ABHD17C: variants seen among roughly 807,000 people sequenced by gnomAD.
ABHD17C encodes the protein abhydrolase domain containing 17C, depalmitoylase, also known as alpha/beta hydrolase domain-containing protein 17C.
A neutral mutation model predicts 27.9 loss-of-function variants in ABHD17C; 11 were observed. The observed-to-expected ratio is 0.39, with a 90% CI of 0.25 to 0.65. ABHD17C has a LOEUF of 0.65. Among genes scored for constraint, ABHD17C ranks in the 30% least tolerant of loss-of-function variants. The pLI is 0.45. For synonymous variants in ABHD17C, 233 were observed against 209.1 expected, an observed-to-expected ratio of 1.11 and a Z score of -0.98; for missense variants, 280 against 470.2, an observed-to-expected ratio of 0.60 and a Z score of 3.74.
At chr15:80,719,248 TC>T (rs1894854463) in intron 1 of ABHD17C, among the ~76,000 whole-genome samples, 1 of 152,242 alleles carries the variant, frequency 6.6e-6, no homozygotes, top group African/African-American at 2.4e-5. Flanking sequence ...TTGTTGACTT[TC>T]TGCAAAGAAG....
chr15:80,729,327 G>A (rs756647008), intron 1 of ABHD17C, among the ~76,000 whole-genome samples: 17 of 152,086 alleles, frequency 1.1e-4, no homozygotes, highest in African/African-American at 2.4e-4. Context: ...ATTCTGCCTT[G>A]TGCCCAAGAA....
At position 80,754,978 on chromosome 15, in the gene ABHD17C, G is replaced by GT. The variant is rs1361750130; in HGVS notation, c.*615dup. Reference sequence around the variant, plus strand: ...ATTCTTAAACAAAAAGAAACTAGGGGTTTTTTTAAGTGTAAATTTATTACT... The same window carrying GT: ...ATTCTTAAACAAAAAGAAACTAGGGGTTTTTTTTAAGTGTAAATTTATTACT... On this transcript the variant is annotated 3_prime_UTR_variant, in exon 3 of 3. Coordinates refer to ENST00000258884, the MANE Select transcript of ABHD17C (RefSeq NM_021214.2). 1 of 152,056 alleles carries GT rather than the reference G, an allele frequency of 6.6e-6. No individual in the cohort carries two copies. Among genetic ancestry groups the GT allele is most frequent in the African/African-American group, 2.4e-5 (1 of 41,394 alleles). The allele number at this position is 152,056 out of a possible 1,614,324, so 9.4% of individuals were successfully genotyped here. A position where few individuals can be genotyped will look rare whatever the true frequency, so the allele number is the denominator to read the frequency against.
At chr15:80,751,809 C>T (rs937157171) in intron 2 of ABHD17C, among the ~76,000 whole-genome samples, 9 of 152,198 alleles carry the variant, frequency 5.9e-5, no homozygotes, top group Admixed American at 3.3e-4. Context: ...GACAAATCCT[C>T]ATATTTAATG....
At chr15:80,726,313 A>G (rs1242229567) in intron 1 of ABHD17C, among the ~76,000 whole-genome samples, 4 of 152,140 alleles carry the variant, frequency 2.6e-5, no homozygotes, top group South Asian at 4.1e-4. Flanking sequence ...ACAGTGCTGC[A>G]GAGATTTTGT....
intron 1 of ABHD17C, among the ~76,000 whole-genome samples, chr15:80,725,150 G>A (rs1448198962): frequency 6.6e-6 from 1 of 152,176 alleles, no homozygotes; most frequent in East Asian, 1.9e-4. Flanking sequence ...ACTGCCTATT[G>A]GGTATCAGGG....
At chr15:80,726,501 G>GTTTTTTTTTTTTTTTTTTTTTTT (rs10572505) in intron 1 of ABHD17C, among the ~76,000 whole-genome samples, 1 of 94,500 alleles carries the variant, frequency 1.1e-5, no homozygotes, top group African/African-American at 5.3e-5. Flanking sequence ...TCTTTTTCTG[G>GTTTTTTTTTTTTTTTTTTTTTTT]TTTTTTTTTT....
At chr15:80,703,535 A>G (rs1346680642) in intron 1 of ABHD17C, 1 of 152,212 alleles carries the variant, frequency 6.6e-6, no homozygotes, top group Non-Finnish European at 1.5e-5. Flanking sequence ...TTTCTTAACT[A>G]CACTGGGAAA....
rs919463551 is a variant in ABHD17C, at chr15:80,751,126, G to C, written c.770+1434G>C. Among the ~76,000 whole-genome samples the C allele has an allele frequency of 1.3e-4, 20 of 152,006 alleles. No homozygotes were observed. The South Asian group carries it at 1.5e-3, about 11-fold the overall frequency. On this transcript the variant is annotated intron_variant, in intron 2 of 2. Transcript: ENST00000258884. ...GTACTTTGGGAGGCCAAGGAGGGTG[G>C]ATTGCCAGAATTCAGGAGTTCAAAA...
At chr15:80,726,607 C>A (rs908402564) in intron 1 of ABHD17C, among the ~76,000 whole-genome samples, 1 of 146,620 alleles carries the variant, frequency 6.8e-6, no homozygotes, top group Non-Finnish European at 1.5e-5. Context: ...CGCCCCCCCG[C>A]GTTCACACCA....
rs568160276 is a variant in ABHD17C at position 80,755,333 on chromosome 15, A to G, written c.*963A>G. The G allele has an allele frequency of 1.2e-4, 19 of 152,356 alleles. No homozygotes were observed. In the East Asian group the frequency reaches 3.7e-3, roughly 29 times the overall value. 9.4% of individuals were successfully genotyped at this position (152,356 alleles called of 1,614,324 possible). A position where few individuals can be genotyped will look rare whatever the true frequency, so the allele number is the denominator to read the frequency against. ...GAATTTATGTAATTAAAATTTCACT[A>G]AACTAATCTTTTTAGTTTAGGAATT... On this transcript the variant is annotated 3_prime_UTR_variant, in exon 3 of 3. Transcript: ENST00000258884.
intron 1 of ABHD17C, among the ~76,000 whole-genome samples, chr15:80,729,086 T>G (rs1480025583): frequency 1.3e-5 from 2 of 152,206 alleles, no homozygotes; most frequent in African/African-American, 2.4e-5. Flanking sequence ...AAAACTCAGG[T>G]CTTCCTTGTT....
chr15:80,733,065 C>T (rs1895078503), intron 1 of ABHD17C, among the ~76,000 whole-genome samples: 1 of 152,218 alleles, frequency 6.6e-6, no homozygotes, highest in African/African-American at 2.4e-5. Flanking sequence ...GCAAGCCTTA[C>T]TCCACCTTTC....
intron 1 of ABHD17C, among the ~76,000 whole-genome samples, chr15:80,738,465 C>T (rs143160993): frequency 1.4e-4 from 22 of 152,242 alleles, no homozygotes; most frequent in African/African-American, 4.8e-4. Context: ...GTTCACAAAC[C>T]AAACAGAAGG....
rs1894481558 is a variant in ABHD17C at position 80,695,583 on chromosome 15, G to GCCGGCGCGTCCGCCCCGGCC, written c.160_179dup (p.Gln61ArgfsTer147). 1 of 1,117,550 alleles carries GCCGGCGCGTCCGCCCCGGCC rather than the reference G, an allele frequency of 8.9e-7. No individual in the cohort carries two copies. Among genetic ancestry groups the GCCGGCGCGTCCGCCCCGGCC allele is most frequent in the Non-Finnish European group, 1.1e-6 (1 of 913,776 alleles). 69.2% of individuals were successfully genotyped at this position (1,117,550 alleles called of 1,614,324 possible). On this transcript the variant is annotated frameshift_variant, in exon 1 of 3. Coordinates refer to ENST00000258884, the MANE Select transcript of ABHD17C (RefSeq NM_021214.2). LOFTEE classifies it high-confidence loss of function. The surrounding 1 kb of genome is among the most constrained non-coding windows in gnomAD (Gnocchi z 4.3). The stretch of plus-strand genomic sequence containing the variant: ...GGTGCTGGCGCCGGAGCAGCGCGGC[G>GCCGGCGCGTCCGCCCCGGCC]CCGGCGCGTCCGCCCCGGCCCCGGC...
In ABHD17C at chr15:80,695,406, G is replaced by C; in HGVS notation, c.-24G>C. On this transcript the variant is annotated 5_prime_UTR_variant, in exon 1 of 3. Transcript: ENST00000258884. The surrounding 1 kb of genome is among the most constrained non-coding windows in gnomAD (Gnocchi z 4.3). ...AGCCAGCCAGCCAGCCAGCCGGGCC[G>C]GCGGCGGGCACCAGGCCGTCCCGAT... 1 of 1,207,812 alleles carries C rather than the reference G, an allele frequency of 8.3e-7. No homozygotes were observed. The highest frequency in any genetic ancestry group is 1.0e-6 in the Non-Finnish European group (1 of 961,220). The allele number at this position is 1,207,812 out of a possible 1,614,324, so 74.8% of individuals were successfully genotyped here. A position where few individuals can be genotyped will look rare whatever the true frequency, so the allele number is the denominator to read the frequency against.
chr15:80,728,833 A>G (rs2627324), intron 1 of ABHD17C, among the ~76,000 whole-genome samples: 62,226 of 151,996 alleles, frequency 0.41, 13,476 homozygotes, highest in Non-Finnish European at 0.48. Context: ...CTGGTCTCGA[A>G]CTCCTTCGTT....
chr15:80,699,551 A>C (rs1483998381), intron 1 of ABHD17C, among the ~76,000 whole-genome samples: 3 of 152,198 alleles, frequency 2.0e-5, no homozygotes, highest in African/African-American at 7.2e-5. Flanking sequence ...GTATGTCTCT[A>C]CATCTTTTAT....
intron 1 of ABHD17C, chr15:80,703,545 A>G (rs1171332930): frequency 6.6e-6 from 1 of 152,246 alleles, no homozygotes; most frequent in Non-Finnish European, 1.5e-5. Flanking sequence ...ACACTGGGAA[A>G]TACGGTGGAT....
At chr15:80,724,502 T>G (rs1428235395) in intron 1 of ABHD17C, among the ~76,000 whole-genome samples, 3 of 152,202 alleles carry the variant, frequency 2.0e-5, no homozygotes, top group South Asian at 4.1e-4. Flanking sequence ...GATTTTTGAT[T>G]GATGATTGAG....
Sources: gnomAD v4.1 joint callset for allele counts (sites outside exome capture counted in the v4.1 genomes callset) on GRCh38, gnomAD v4.1.1 for gene constraint, Gnocchi (gnomAD v3.1) non-coding constraint, MANE v1.5 for transcripts, NCBI Gene and HGNC (gene_info 2026-07-23, HGNC 2026-07-21) for gene names.